The following PCOLCE2 variants were observed in gnomAD, a reference collection of about 807,000 sequenced individuals.
PCOLCE2 encodes procollagen C-endopeptidase enhancer 2.
A neutral mutation model predicts 47.0 loss-of-function variants in PCOLCE2; 42 were observed. That is an observed-to-expected ratio of 0.89 (90% confidence interval 0.70 to 1.16). PCOLCE2 has a LOEUF of 1.16. Ranked by LOEUF, PCOLCE2 falls within the 50% of genes most tolerant of loss-of-function variation. The pLI is 0.00. For missense variants in PCOLCE2, 500 were observed against 526.1 expected, an observed-to-expected ratio of 0.95 and a Z score of 0.49; for synonymous variants, 169 against 191.7, an observed-to-expected ratio of 0.88 and a Z score of 0.98.
At chr3:142,879,888 G>A (rs1406900465) in intron 2 of PCOLCE2, among the ~76,000 whole-genome samples, 1 of 149,744 alleles carries the variant, frequency 6.7e-6, no homozygotes, top group Non-Finnish European at 1.5e-5. Context: ...AGAGAATAGT[G>A]TGAACCCAGG....
intron 2 of PCOLCE2, among the ~76,000 whole-genome samples, chr3:142,854,666 C>G (rs1333405428): frequency 6.6e-6 from 1 of 152,148 alleles, no homozygotes; most frequent in East Asian, 1.9e-4. Context: ...AACTCCCATC[C>G]ACCTTGGGCC....
chr3:142,880,238 T>TA (rs74558225), intron 2 of PCOLCE2, among the ~76,000 whole-genome samples: 2,284 of 140,118 alleles, frequency 0.016, 49 homozygotes, highest in African/African-American at 0.047. Flanking sequence ...ACATATACAT[T>TA]AAAAAAAAAA....
intron 2 of PCOLCE2, among the ~76,000 whole-genome samples, chr3:142,875,490 G>A (rs753626474): frequency 3.9e-5 from 6 of 152,324 alleles, no homozygotes; most frequent in East Asian, 1.9e-4. Flanking sequence ...GGAAGTGAAA[G>A]CACTGCATGG....
intron 3 of PCOLCE2, among the ~76,000 whole-genome samples, chr3:142,847,235 T>C (rs1452074698): frequency 6.6e-6 from 1 of 152,212 alleles, no homozygotes; most frequent in Admixed American, 6.5e-5. Context: ...TCCACATATG[T>C]AGAGTTTAGC....
chr3:142,829,511 A>G (rs1937122012), intron 6 of PCOLCE2, among the ~76,000 whole-genome samples, 181 bp downstream of exon 6: 1 of 152,208 alleles, frequency 6.6e-6, no homozygotes, highest in African/African-American at 2.4e-5. Flanking sequence ...CTATTAGCTT[A>G]CAAGCATTCT....
chr3:142,869,673 A>G (rs932050055), intron 2 of PCOLCE2, among the ~76,000 whole-genome samples: 7 of 152,218 alleles, frequency 4.6e-5, no homozygotes, highest in African/African-American at 1.7e-4. Flanking sequence ...TATTGATTCC[A>G]GGTCTTTAGA....
intron 3 of PCOLCE2, 33 bp downstream of exon 3, chr3:142,848,184 A>G (rs748435403): frequency 6.2e-7 from 1 of 1,603,662 alleles, no homozygotes; most frequent in East Asian, 2.2e-5. Context: ...AACCAACATT[A>G]CTGTTGTTAT....
At chr3:142,826,939 C>T (rs759958013) in intron 6 of PCOLCE2, among the ~76,000 whole-genome samples, 8 of 152,172 alleles carry the variant, frequency 5.3e-5, no homozygotes, top group Admixed American at 1.3e-4. Context: ...TTCAAAAAGA[C>T]GGAAGTTTCT....
At chr3:142,881,894 A>G (rs1230899056) in intron 2 of PCOLCE2, among the ~76,000 whole-genome samples, 1 of 152,150 alleles carries the variant, frequency 6.6e-6, no homozygotes, top group Non-Finnish European at 1.5e-5. Flanking sequence ...TTTTTTCTTC[A>G]TGGAGTAGCT....
intron 2 of PCOLCE2, among the ~76,000 whole-genome samples, chr3:142,860,471 C>G (rs542775719): frequency 6.6e-6 from 1 of 151,826 alleles, no homozygotes; most frequent in African/African-American, 2.4e-5. Context: ...TGCAATGTCG[C>G]GATCTCGGCT....
In PCOLCE2 at chr3:142,844,335, T is replaced by C. The variant is rs73864470; in HGVS notation, c.449-1287A>G. 3.3e-3 allele frequency among the ~76,000 whole-genome samples: 503 copies of C among 152,334 alleles called. 3 individuals are homozygous for C. Among genetic ancestry groups the C allele is most frequent in the African/African-American group, 0.011 (474 of 41,580 alleles). ...CATTCTCCTGCTGATGGGTGGTTTC[T>C]AGTCTGGACTATTGTGAATGAAGCT... is the stretch of plus-strand genomic sequence containing the variant. On this transcript the variant is annotated intron_variant, in intron 3 of 8. Transcript: ENST00000295992.
chr3:142,827,680 G>C, intron 6 of PCOLCE2: 1 of 1,307,916 alleles, frequency 7.6e-7, no homozygotes, highest in Non-Finnish European at 1.1e-6. Context: ...ACGGGTCGCG[G>C]AAGACCACCT....
chr3:142,821,693 C>A (rs1322265644), intron 7 of PCOLCE2, among the ~76,000 whole-genome samples: 2 of 149,836 alleles, frequency 1.3e-5, no homozygotes, highest in African/African-American at 4.9e-5. Context: ...TTAACTTAAA[C>A]TTTTTTTTTT....
intron 7 of PCOLCE2, 96 bp from the exon 8 acceptor site, chr3:142,821,141 A>G: frequency 1.0e-6 from 1 of 963,908 alleles, no homozygotes; most frequent in Non-Finnish European, 1.6e-6. Flanking sequence ...TCAGATACGA[A>G]ACATTTTAAT....
intron 2 of PCOLCE2, among the ~76,000 whole-genome samples, chr3:142,872,962 T>C (rs1560140711): frequency 1.3e-5 from 2 of 152,240 alleles, no homozygotes; most frequent in South Asian, 4.1e-4. Flanking sequence ...CTTAAATACA[T>C]ACCAAAGGTG....
chr3:142,885,491 G>T (rs752372506), intron 2 of PCOLCE2, among the ~76,000 whole-genome samples: 20 of 152,314 alleles, frequency 1.3e-4, no homozygotes, highest in Non-Finnish European at 2.5e-4. Context: ...AGATGGCCTT[G>T]GACAAGGCCA....
At chr3:142,823,661 A>G (rs2108184080) in intron 6 of PCOLCE2, 46 bp from the exon 7 acceptor site, 1 of 1,104,610 alleles carries the variant, frequency 9.1e-7, no homozygotes, top group Non-Finnish European at 1.4e-6. Context: ...GAATTCAAGC[A>G]TAATTGGTCT....
chr3:142,875,175 C>A (rs1344087413), intron 2 of PCOLCE2, among the ~76,000 whole-genome samples: 1 of 152,156 alleles, frequency 6.6e-6, no homozygotes, highest in Non-Finnish European at 1.5e-5. Flanking sequence ...TAATGATCCC[C>A]TTGTTTAAAA....
Position 142,837,741 on chromosome 3 carries a change from T to C in PCOLCE2, c.710+1029A>G, listed in dbSNP as rs151008678. 3.9e-4 allele frequency among the ~76,000 whole-genome samples: 59 copies of C among 152,348 alleles called. 1 individual carries two copies. In the East Asian group the frequency reaches 0.011, roughly 27 times the overall value. Reference sequence around the variant, plus strand: ...CAGAAATAGTTATATATTGCAGTTATATAAATGCAGTTACATAATTACACC... The same window carrying C: ...CAGAAATAGTTATATATTGCAGTTACATAAATGCAGTTACATAATTACACC... On this transcript the variant is annotated intron_variant, in intron 5 of 8. Transcript: ENST00000295992.
Sources: allele counts gnomAD v4.1 joint callset (sites outside exome capture counted in the v4.1 genomes callset), GRCh38; gene constraint gnomAD v4.1.1; transcripts MANE v1.5; gene names NCBI Gene and HGNC (gene_info 2026-07-23, HGNC 2026-07-21).